The following COL18A1 variants were observed in gnomAD, a reference collection of about 807,000 sequenced individuals.
COL18A1 encodes collagen type XVIII alpha 1 chain.
COL18A1 carries 133 observed loss-of-function variants against 168.0 expected under a neutral mutation model. The ratio of observed to expected loss-of-function variants is 0.79; its 90% CI spans 0.69 to 0.91. COL18A1 has a LOEUF of 0.91. COL18A1 is among the 40% of genes least tolerant of loss of function. The probability of loss-of-function intolerance (pLI) is 0.00; values close to 1 mark genes in which losing one functional copy is unlikely to be tolerated. For synonymous variants in COL18A1, 949 were observed against 809.0 expected (o/e 1.17, Z -2.94); for missense variants, 2,126 against 1,925.4 (o/e 1.10, Z -1.95).
intron 24 of COL18A1, among the ~76,000 whole-genome samples, 164 bp from the exon 25 acceptor site, chr21:45,492,999 C>T (rs369202208): frequency 2.0e-5 from 3 of 151,800 alleles, no homozygotes; most frequent in East Asian, 1.9e-4. Context: ...GGGTCACCTG[C>T]GGAGGCCTGC....
rs1460039974 is a variant in COL18A1 at position 45,498,479 on chromosome 21, C to T, written c.2683+818C>T. On this transcript the variant is annotated intron_variant, in intron 32 of 41. Transcript: ENST00000651438. This position sits in a 1 kb window ranked among gnomAD's most constrained non-coding sequence, Gnocchi z 4.5. The stretch of plus-strand genomic sequence containing the variant: ...TCTCGCCGCCACGGTCCCCGCTCGC[C>T]GCCAGGGTCCCCTCTCGCTGCCAGG... 11 of 713,750 alleles carry T rather than the reference C, an allele frequency of 1.5e-5. No individual in the cohort carries two copies. The highest frequency in any genetic ancestry group is 6.5e-4 in the Middle Eastern group (2 of 3,060). 44.2% of individuals were successfully genotyped at this position (713,750 alleles called of 1,614,324 possible).
At position 45,505,835 on chromosome 21, in the gene COL18A1, C is replaced by G; in HGVS notation, c.3088-3C>G. ...CCCACACCTCTGCATTTGGTCCCAGCAGGTGAGGCTCTGGGCTACACGCCA... is the reference window on the plus strand; with the variant it reads ...CCCACACCTCTGCATTTGGTCCCAGGAGGTGAGGCTCTGGGCTACACGCCA... On this transcript the variant is annotated splice_polypyrimidine_tract_variant and splice_region_variant and intron_variant, in intron 36 of 41. Transcript: ENST00000651438. 1 of 1,594,700 alleles carries G rather than the reference C, an allele frequency of 6.3e-7. No individual in the cohort carries two copies. Among genetic ancestry groups the G allele is most frequent in the Non-Finnish European group, 8.5e-7 (1 of 1,172,474 alleles).
At chr21:45,499,262 A>G (rs4819125) in intron 32 of COL18A1, among the ~76,000 whole-genome samples, 151,821 of 152,368 alleles carry the variant, frequency 1, 75,638 homozygotes, top group Middle Eastern at 1. Flanking sequence ...CTGTGTCGGC[A>G]GTGGAGGGTA....
chr21:45,481,954 C>G lies in COL18A1; in HGVS notation c.1612-9C>G, dbSNP rs370959276. 1 of 1,606,790 alleles carries G rather than the reference C, an allele frequency of 6.2e-7. No individual in the cohort carries two copies. The highest frequency in any genetic ancestry group is 8.5e-7 in the Non-Finnish European group (1 of 1,173,408). On this transcript the variant is annotated splice_polypyrimidine_tract_variant and intron_variant, in intron 13 of 41. Coordinates refer to ENST00000651438, the MANE Select transcript of COL18A1 (RefSeq NM_001379500.1). ...CCATCAAGACCCACTATGCTCTGCT[C>G]TCCCCCAGGGACCCCCAGGCCCTCC...
In COL18A1 at chr21:45,456,164, C is replaced by A. The variant is rs1231895442; in HGVS notation, c.107-12078C>A. 3.1e-6 allele frequency: 5 copies of A among 1,589,538 alleles called. No homozygotes were observed. Among genetic ancestry groups the A allele is most frequent in the Non-Finnish European group, 3.4e-6 (4 of 1,164,790 alleles). Reference sequence around the variant, plus strand: ...ACCACTCACGGGGCCCTCAGTGCCACCACCATCTTCAGGTAGAGCTTCTCT... The same window carrying A: ...ACCACTCACGGGGCCCTCAGTGCCAACACCATCTTCAGGTAGAGCTTCTCT... On this transcript the variant is annotated intron_variant, in intron 2 of 41. Coordinates refer to ENST00000651438, the MANE Select transcript of COL18A1 (RefSeq NM_001379500.1).
intron 26 of COL18A1, 176 bp downstream of exon 26, chr21:45,493,751 T>A: frequency 1.6e-6 from 1 of 608,524 alleles, no homozygotes; most frequent in Non-Finnish European, 2.9e-6. Flanking sequence ...ATGTCGGCGG[T>A]TCCGCCGGCC....
intron 2 of COL18A1, among the ~76,000 whole-genome samples, chr21:45,416,627 C>T (rs1602337635): frequency 6.6e-6 from 1 of 152,132 alleles, no homozygotes; most frequent in African/African-American, 2.4e-5. Context: ...CCTCTGTGAC[C>T]TGGTCACCCG....
chr21:45,476,927 G>GTGTGTA (rs906692163), intron 6 of COL18A1, among the ~76,000 whole-genome samples: 3 of 147,772 alleles, frequency 2.0e-5, no homozygotes, highest in Non-Finnish European at 4.4e-5. Context: ...TGTTTTGTGT[G>GTGTGTA]TGTGTGTGTG....
chr21:45,497,545 C>T (rs2036584205), intron 31 of COL18A1, 54 bp from the exon 32 acceptor site: 5 of 1,549,542 alleles, frequency 3.2e-6, no homozygotes, highest in East Asian at 2.4e-5. Flanking sequence ...GGGGCACCAC[C>T]CTGGAGTCCT....
chr21:45,479,366 CA>C (rs2035804157), intron 9 of COL18A1, among the ~76,000 whole-genome samples: 1 of 110,982 alleles, frequency 9.0e-6, no homozygotes, highest in Non-Finnish European at 1.8e-5. Flanking sequence ...CGTGTGTGCA[CA>C]CACACCACAG....
intron 38 of COL18A1, among the ~76,000 whole-genome samples, chr21:45,509,029 C>G (rs1882077033): frequency 6.6e-6 from 1 of 152,018 alleles, no homozygotes; most frequent in Admixed American, 6.5e-5. Context: ...CGAAGGTCGC[C>G]GTGTTGAGGT....
Position 45,498,200 on chromosome 21 carries a change from T to C in COL18A1, c.2683+539T>C, listed in dbSNP as rs928623409. On this transcript the variant is annotated intron_variant, in intron 32 of 41. Coordinates refer to ENST00000651438, the MANE Select transcript of COL18A1 (RefSeq NM_001379500.1). The surrounding 1 kb of genome is among the most constrained non-coding windows in gnomAD (Gnocchi z 4.5). ...GCCAAGACCACTGAGAACAGCTGGATAAAATGTGAGAAAACCACTGTTTGA... is the reference window on the plus strand; with the variant it reads ...GCCAAGACCACTGAGAACAGCTGGACAAAATGTGAGAAAACCACTGTTTGA... 2 of 699,942 alleles carry C rather than the reference T, an allele frequency of 2.9e-6. No homozygotes were observed. Among genetic ancestry groups the C allele is most frequent in the African/African-American group, 3.5e-5 (2 of 57,056 alleles). The allele number at this position is 699,942 out of a possible 1,614,324, so 43.4% of individuals were successfully genotyped here. A position where few individuals can be genotyped will look rare whatever the true frequency, so the allele number is the denominator to read the frequency against.
chr21:45,406,089 C>A (rs898533136), intron 2 of COL18A1, among the ~76,000 whole-genome samples: 3 of 152,126 alleles, frequency 2.0e-5, no homozygotes, highest in African/African-American at 7.2e-5. Context: ...GCTTCCCGTG[C>A]GCGGCAAACG....
chr21:45,405,983 G>C (rs2033094005), intron 2 of COL18A1, among the ~76,000 whole-genome samples: 1 of 152,010 alleles, frequency 6.6e-6, no homozygotes, highest in Non-Finnish European at 1.5e-5. Context: ...CCCCGCGCCC[G>C]CCGTGGTGTC....
chr21:45,487,613 C>A (rs759778348), intron 17 of COL18A1, 104 bp downstream of exon 17: 4 of 1,468,956 alleles, frequency 2.7e-6, no homozygotes, highest in Middle Eastern at 2.1e-4. Flanking sequence ...GGATCGGAAG[C>A]CGCCCTGCAG....
At chr21:45,474,213 C>T (rs1412879582) in intron 4 of COL18A1, among the ~76,000 whole-genome samples, 1 of 152,080 alleles carries the variant, frequency 6.6e-6, no homozygotes, top group African/African-American at 2.4e-5. Flanking sequence ...CCCTCCATGG[C>T]AGCTGGTGAG....
At chr21:45,437,098 C>G (rs895049788) in intron 2 of COL18A1, among the ~76,000 whole-genome samples, 3 of 130,712 alleles carry the variant, frequency 2.3e-5, no homozygotes, top group Non-Finnish European at 4.7e-5. Flanking sequence ...CACAGGCACT[C>G]TCCTGCACAC....
At position 45,495,412 on chromosome 21, in the gene COL18A1, A is replaced by G; in HGVS notation, c.2488A>G (p.Ser830Gly). The change falls in exon 29 of 42, where the codon AGC (serine) becomes GGC (glycine). Residue 830 changes from serine (S) to glycine (G), a missense_variant. By Grantham distance (56) the Ser-to-Gly change is moderately conservative. Coordinates refer to ENST00000651438, the MANE Select transcript of COL18A1 (RefSeq NM_001379500.1). The stretch of plus-strand genomic sequence containing the variant: ...AGAGAAAGGGGAGCCGGGAGATGCC[A>G]GCCTTGGATTTGGCATGAGGGTGAG... The part of the protein sequence containing the change: ...KGEKGEPGDA[S>G]LGFGMRGMPG... The G allele has an allele frequency of 6.2e-7, 1 of 1,611,266 alleles. No individual in the cohort carries two copies. The highest frequency in any genetic ancestry group is 8.5e-7 in the Non-Finnish European group (1 of 1,178,780).
chr21:45,409,228 G>A (rs935595321), intron 2 of COL18A1, among the ~76,000 whole-genome samples: 4 of 152,326 alleles, frequency 2.6e-5, no homozygotes, highest in East Asian at 1.9e-4. Context: ...ACCCCACAGC[G>A]AGATTTCAGC....
Sources: gnomAD v4.1 joint callset for allele counts (sites outside exome capture counted in the v4.1 genomes callset) on GRCh38, gnomAD v4.1.1 for gene constraint, Gnocchi (gnomAD v3.1) non-coding constraint, MANE v1.5 for transcripts, NCBI Gene and HGNC (gene_info 2026-07-23, HGNC 2026-07-21) for gene names.